ANO1: variants seen among roughly 807,000 people sequenced by gnomAD.
The protein encoded by ANO1 is anoctamin 1.
In ANO1, 59 loss-of-function variants were observed where a neutral mutation model predicts 124.0. The ratio of observed to expected loss-of-function variants is 0.48; its 90% CI spans 0.39 to 0.59. The LOEUF (loss-of-function observed/expected upper bound fraction) is 0.59. Among genes scored for constraint, ANO1 ranks in the 20% least tolerant of loss-of-function variants. The pLI is 0.00. For missense variants in ANO1, 1,059 were observed against 1,328.0 expected (o/e 0.80, Z 3.15); for synonymous variants, 529 against 532.0 (o/e 0.99, Z 0.08).
chr11:70,132,109 T>G (rs747100325), intron 11 of ANO1, 30 bp downstream of exon 11: 10 of 1,557,056 alleles, frequency 6.4e-6, no homozygotes, highest in Non-Finnish European at 8.7e-6. Flanking sequence ...ACTGGGTTTT[T>G]GGGCAGTGGT....
chr11:70,187,913 A>C lies in ANO1; in HGVS notation c.2870A>C (p.Glu957Ala). The C allele has an allele frequency of 6.3e-7, 1 of 1,589,176 alleles. No homozygotes were observed. Among genetic ancestry groups the C allele is most frequent in the Non-Finnish European group, 8.6e-7 (1 of 1,168,922 alleles). Reference protein sequence around the residue: ...TWMEKERQKDEPPCNHHNTKA... With the variant: ...TWMEKERQKDAPPCNHHNTKA... ...ATGGAGAAGGAGCGGCAGAAGGACG[A>C]GCCGCCGTGCAACCACCACAACACC... Residue 957 changes from glutamate to alanine, a missense_variant, in exon 26 of 26, where the codon GAG (glutamate) becomes GCG (alanine). Glu to Ala is a moderately radical substitution (Grantham distance 107). Coordinates refer to ENST00000355303, the MANE Select transcript of ANO1 (RefSeq NM_018043.7).
intron 1 of ANO1, among the ~76,000 whole-genome samples, chr11:70,053,417 C>T (rs77464011): frequency 0.045 from 6,881 of 152,226 alleles, 295 homozygotes; most frequent in Admixed American, 0.12. Context: ...TAGGTTTAGT[C>T]ATTTCTCTTT....
intron 1 of ANO1, among the ~76,000 whole-genome samples, chr11:70,010,166 C>A (rs12420646): frequency 9.9e-6 from 1 of 100,528 alleles, no homozygotes; most frequent in African/African-American, 4.2e-5. Flanking sequence ...TGTGTGTGTG[C>A]GCGTGTGTGT....
intron 22 of ANO1, among the ~76,000 whole-genome samples, chr11:70,178,275 G>A (rs2048803344): frequency 6.6e-6 from 1 of 152,218 alleles, no homozygotes. Flanking sequence ...TGACTTTGTA[G>A]GGCTGTGCCA....
rs1479370277 is a variant in ANO1, at chr11:70,165,443, G to A, written c.1951-27G>A. 6 of 1,580,800 alleles carry A rather than the reference G, an allele frequency of 3.8e-6. No individual in the cohort carries two copies. The East Asian group carries it at 1.1e-4, about 30-fold the overall frequency. ...GTCCCTCTCTCGGTGTCCCTGTAGC[G>A]TGGCTGATGCTGCTCTCTGTCCACA... On this transcript the variant is annotated intron_variant, in intron 19 of 25. Coordinates refer to ENST00000355303, the MANE Select transcript of ANO1 (RefSeq NM_018043.7).
At chr11:70,087,703 C>G (rs1344069140) in intron 1 of ANO1, 49 bp from the exon 2 acceptor site, 1 of 1,494,476 alleles carries the variant, frequency 6.7e-7, no homozygotes, top group South Asian at 1.4e-5. Flanking sequence ...TCCAAAGGCC[C>G]ATCACGAGCA....
intron 5 of ANO1, 149 bp downstream of exon 5, chr11:70,105,937 C>A: frequency 1.2e-6 from 1 of 853,948 alleles, no homozygotes; most frequent in Non-Finnish European, 1.8e-6. Context: ...AGGGAGAGGG[C>A]AACGAGGGGC....
At chr11:70,038,670 G>A (rs1232102172) in intron 1 of ANO1, among the ~76,000 whole-genome samples, 2 of 152,184 alleles carry the variant, frequency 1.3e-5, no homozygotes, top group Non-Finnish European at 1.5e-5. Context: ...CCCCCAGGGA[G>A]AGAGCCAGGA....
At chr11:70,004,361 G>T (rs1288671302) in intron 1 of ANO1, among the ~76,000 whole-genome samples, 1 of 152,240 alleles carries the variant, frequency 6.6e-6, no homozygotes, top group Non-Finnish European at 1.5e-5. Flanking sequence ...AATATTTGCT[G>T]TGTGTGACCA....
At chr11:70,112,553 C>CTTTTTTT (rs11357130) in intron 7 of ANO1, among the ~76,000 whole-genome samples, 2 of 136,834 alleles carry the variant, frequency 1.5e-5, no homozygotes, top group African/African-American at 2.7e-5. Context: ...CTTTTCTTTT[C>CTTTTTTT]TTTTTTTTTT....
At chr11:69,991,066 A>G (rs1387316508) in intron 1 of ANO1, among the ~76,000 whole-genome samples, 1 of 152,104 alleles carries the variant, frequency 6.6e-6, no homozygotes, top group Non-Finnish European at 1.5e-5. Flanking sequence ...ATCTACCCCG[A>G]TGTTTTCCTC....
intron 1 of ANO1, among the ~76,000 whole-genome samples, chr11:70,059,141 G>A (rs61886439): frequency 0.013 from 2,048 of 151,942 alleles, 19 homozygotes; most frequent in South Asian, 0.016. Context: ...GCAGTGAGCC[G>A]AGATTGTGCC....
intron 11 of ANO1, among the ~76,000 whole-genome samples, chr11:70,133,812 G>T (rs1420532540): frequency 6.6e-6 from 1 of 152,210 alleles, no homozygotes; most frequent in African/African-American, 2.4e-5. Context: ...GGTGTGCACA[G>T]CAGAGCCGAG....
the ANO1 span, among the ~76,000 whole-genome samples, chr11:69,974,467 C>T: frequency 6.6e-6 from 1 of 152,222 alleles, no homozygotes; most frequent in Non-Finnish European, 1.5e-5. Context: ...GACCGCTTTA[C>T]AGATGAGGAA....
At position 70,012,382 on chromosome 11, in the gene ANO1, C is replaced by A. The variant is rs1856612283; in HGVS notation, c.58+26216C>A. Among the ~76,000 whole-genome samples the A allele has an allele frequency of 2.0e-5, 3 of 151,882 alleles. 1 individual carries two copies. In the South Asian group the frequency reaches 6.2e-4, roughly 32 times the overall value. On this transcript the variant is annotated intron_variant, in intron 1 of 27. Coordinates refer to the ANO1 transcript ENST00000531349. Reference sequence around the variant, plus strand: ...TCCATCCATCCATTATTCCATCTATCCATCCTTTCCTTCATCCATTCATCC... The same window carrying A: ...TCCATCCATCCATTATTCCATCTATACATCCTTTCCTTCATCCATTCATCC...
At chr11:70,107,490 C>A (rs144524790) in intron 5 of ANO1, among the ~76,000 whole-genome samples, 2 of 64,552 alleles carry the variant, frequency 3.1e-5, no homozygotes, top group Non-Finnish European at 6.9e-5. Flanking sequence ...CCAGTGGAGG[C>A]GGCGGGGCGG....
chr11:70,156,062 A>T, intron 15 of ANO1, 74 bp downstream of exon 15: 1 of 1,334,850 alleles, frequency 7.5e-7, no homozygotes, highest in African/African-American at 1.6e-5. Context: ...GTTTTTCCTC[A>T]ACAAACTGTT....
chr11:70,181,798 TAGC>T (rs2048939929), intron 23 of ANO1, among the ~76,000 whole-genome samples: 1 of 148,596 alleles, frequency 6.7e-6, no homozygotes, highest in Non-Finnish European at 1.5e-5. Flanking sequence ...AAAAAAGTAG[TAGC>T]AGGAAACATT....
chr11:70,107,466 TGGGACA>T (rs1468966301), intron 5 of ANO1, among the ~76,000 whole-genome samples: 3 of 88,046 alleles, frequency 3.4e-5, no homozygotes, highest in Non-Finnish European at 7.1e-5. Context: ...GCGGGGTTGT[TGGGACA>T]GGTGGGTCCA....
Sources: allele counts gnomAD v4.1 joint callset (sites outside exome capture counted in the v4.1 genomes callset), GRCh38; gene constraint gnomAD v4.1.1; transcripts MANE v1.5; gene names NCBI Gene and HGNC (gene_info 2026-07-23, HGNC 2026-07-21).